AK7: variants seen among roughly 807,000 people sequenced by gnomAD.
AK7 encodes the protein ATP-AMP transphosphorylase 7.
Under a neutral mutation model 96.6 loss-of-function variants are expected in AK7, and 78 were observed. The observed-to-expected ratio is 0.81, with a 90% CI of 0.67 to 0.97. The LOEUF is 0.97. AK7 is among the 50% of genes least tolerant of loss of function. AK7 has a pLI of 0.00. For synonymous variants in AK7, 302 were observed against 317.2 expected (o/e 0.95, Z 0.51); for missense variants, 855 against 887.9 (o/e 0.96, Z 0.47).
At chr14:96,446,817 G>A (rs545543318) in intron 8 of AK7, among the ~76,000 whole-genome samples, 1 of 152,120 alleles carries the variant, frequency 6.6e-6, no homozygotes, top group South Asian at 2.1e-4. Flanking sequence ...GCGGGTGCCT[G>A]TAATCTCAGC....
At chr14:96,440,198 A>T (rs1892889369) in intron 6 of AK7, among the ~76,000 whole-genome samples, 1 of 150,836 alleles carries the variant, frequency 6.6e-6, no homozygotes, top group African/African-American at 2.4e-5. Context: ...CTGGTCTTGA[A>T]CTCCTGACTT....
At position 96,487,045 on chromosome 14, in the gene AK7, G is replaced by A. The variant is rs1488783350; in HGVS notation, c.2122G>A (p.Val708Ile). 1 of 1,613,826 alleles carries A rather than the reference G, an allele frequency of 6.2e-7. No individual in the cohort carries two copies. The highest frequency in any genetic ancestry group is 1.7e-5 in the Admixed American group (1 of 59,964). ...ECCNVRPEDP[V>I]DFLAEYLFKN... ...TTGCAACGTCCGACCCGAAGACCCT[G>A]TTGATTTTCTGGTAACATATTTAAT... The change falls in exon 17 of 18, where the codon GTT becomes ATT. Residue 708 changes from valine to isoleucine, a missense_variant. Physicochemically the swap from Val to Ile is conservative, Grantham distance 29. Transcript: ENST00000267584.
intron 12 of AK7, among the ~76,000 whole-genome samples, chr14:96,458,498 T>C (rs1282891112): frequency 1.3e-5 from 2 of 151,942 alleles, no homozygotes; most frequent in Admixed American, 1.3e-4. Flanking sequence ...TCCCAGCACT[T>C]TGGGAGGCCG....
chr14:96,409,632 A>G (rs1045986379), intron 4 of AK7, among the ~76,000 whole-genome samples: 1 of 152,194 alleles, frequency 6.6e-6, no homozygotes, highest in African/African-American at 2.4e-5. Flanking sequence ...AGTATTCCCT[A>G]AACTTCCTAA....
At chr14:96,395,406 A>C (rs1036475117) in intron 1 of AK7, among the ~76,000 whole-genome samples, 1 of 152,194 alleles carries the variant, frequency 6.6e-6, no homozygotes, top group African/African-American at 2.4e-5. Flanking sequence ...GCTGAGGCAG[A>C]GGATGAAGAA....
intron 3 of AK7, among the ~76,000 whole-genome samples, chr14:96,407,764 G>A (rs1225930516): frequency 6.6e-6 from 1 of 151,716 alleles, no homozygotes; most frequent in Non-Finnish European, 1.5e-5. Flanking sequence ...TGTATTTTTA[G>A]TAGAGACAGG....
chr14:96,468,860 A>T (rs971464006), intron 12 of AK7, among the ~76,000 whole-genome samples: 6 of 151,992 alleles, frequency 3.9e-5, no homozygotes, highest in Non-Finnish European at 7.4e-5. Flanking sequence ...AAGCAGGATG[A>T]CATTTTTAAA....
chr14:96,418,468 A>ATT (rs35710240), intron 4 of AK7, among the ~76,000 whole-genome samples: 1 of 151,362 alleles, frequency 6.6e-6, no homozygotes, highest in African/African-American at 2.4e-5. Flanking sequence ...GGCTCCAGTC[A>ATT]TTTTCTCAGG....
intron 12 of AK7, among the ~76,000 whole-genome samples, chr14:96,467,551 G>C (rs1894639534): frequency 1.3e-5 from 2 of 152,016 alleles, no homozygotes; most frequent in African/African-American, 4.8e-5. Context: ...TGTTGACCAG[G>C]CTGGTTTCGA....
At position 96,420,840 on chromosome 14, in the gene AK7, T is replaced by C. The variant is rs1329454553; in HGVS notation, c.517T>C (p.Phe173Leu). 6.2e-7 allele frequency: 1 copy of C among 1,612,490 alleles called. No individual in the cohort carries two copies. The highest frequency in any genetic ancestry group is 2.2e-5 in the East Asian group (1 of 44,856). ...ATAATAGGAGGATTCTGAGGTTCCA[T>C]TCACTGAAGAAGATTATCGAAGAAG... ...ALDPEDSEVP[F>L]TEEDYRRRKS... Residue 173 changes from phenylalanine to leucine, a missense_variant, in exon 5 of 18, where the codon TTC becomes CTC. Coordinates refer to ENST00000267584, the MANE Select transcript of AK7 (RefSeq NM_152327.5).
chr14:96,433,543 A>G (rs868255114), intron 5 of AK7, among the ~76,000 whole-genome samples: 1 of 152,044 alleles, frequency 6.6e-6, no homozygotes, highest in Non-Finnish European at 1.5e-5. Flanking sequence ...GGTCTTCTCT[A>G]CACTGTTTAT....
chr14:96,397,653 G>A (rs1299772629), intron 1 of AK7, among the ~76,000 whole-genome samples: 1 of 152,206 alleles, frequency 6.6e-6, no homozygotes, highest in Non-Finnish European at 1.5e-5. Context: ...TACTCAGGAG[G>A]CTGAGGCAGG....
chr14:96,411,110 G>A (rs1891003690), intron 4 of AK7, among the ~76,000 whole-genome samples: 1 of 152,166 alleles, frequency 6.6e-6, no homozygotes, highest in African/African-American at 2.4e-5. Context: ...TTAGGATACA[G>A]AACACTTTCA....
At chr14:96,400,020 C>G (rs899141541) in intron 2 of AK7, among the ~76,000 whole-genome samples, 3 of 138,760 alleles carry the variant, frequency 2.2e-5, no homozygotes, top group African/African-American at 7.9e-5. Flanking sequence ...GACCCCGCTA[C>G]AAAAACAATC....
At chr14:96,435,728 A>G (rs1227653799) in intron 5 of AK7, among the ~76,000 whole-genome samples, 1 of 152,092 alleles carries the variant, frequency 6.6e-6, no homozygotes, top group Non-Finnish European at 1.5e-5. Context: ...GATACCGGAG[A>G]GCCCCCTCTG....
chr14:96,449,472 C>T (rs750471776), intron 8 of AK7, among the ~76,000 whole-genome samples: 6 of 152,192 alleles, frequency 3.9e-5, no homozygotes, highest in Non-Finnish European at 5.9e-5. Context: ...CTCGCTCTAT[C>T]GCCCAGGCTG....
At chr14:96,465,130 T>C (rs901710363) in intron 12 of AK7, among the ~76,000 whole-genome samples, 1 of 152,202 alleles carries the variant, frequency 6.6e-6, no homozygotes, top group Non-Finnish European at 1.5e-5. Flanking sequence ...GAATAATGCA[T>C]GTAGTTACAA....
intron 1 of AK7, 44 bp from the exon 2 acceptor site, chr14:96,398,031 T>G: frequency 6.3e-7 from 1 of 1,584,362 alleles, no homozygotes; most frequent in Non-Finnish European, 8.6e-7. Flanking sequence ...GCCCCCTGAC[T>G]CTAATTTTCT....
chr14:96,408,665 G>A (rs1890862292), intron 3 of AK7, among the ~76,000 whole-genome samples, 182 bp from the exon 4 acceptor site: 2 of 152,214 alleles, frequency 1.3e-5, no homozygotes, highest in Non-Finnish European at 2.9e-5. Flanking sequence ...TCCGTATTTC[G>A]GATACAGGTA....
Sources: allele counts gnomAD v4.1 joint callset (sites outside exome capture counted in the v4.1 genomes callset), GRCh38; gene constraint gnomAD v4.1.1; transcripts MANE v1.5; gene names NCBI Gene and HGNC (gene_info 2026-07-23, HGNC 2026-07-21).